The following FGF14 variants were observed in gnomAD, a reference collection of about 807,000 sequenced individuals.
FGF14 encodes the protein fibroblast growth factor homologous factor 4.
In FGF14, 5 loss-of-function variants were observed where a neutral mutation model predicts 25.5. The observed-to-expected ratio is 0.20, with a 90% CI of 0.10 to 0.41. The LOEUF is 0.41. Ranked by LOEUF, FGF14 falls within the 10% of genes least tolerant of loss-of-function variation. FGF14 has a pLI of 1.00. For synonymous variants in FGF14, 138 were observed against 118.3 expected (o/e 1.17, Z -1.08); for missense variants, 222 against 320.1 (o/e 0.69, Z 2.34).
rs527930763 is a variant in FGF14 at position 102,142,743 on chromosome 13, T to C, written c.208+258728A>G. On this transcript the variant is annotated intron_variant, in intron 1 of 4. Coordinates refer to the FGF14 transcript ENST00000376131. Reference sequence around the variant, plus strand: ...ACCTTTCACACCTTGATGTTTCCCATCACTAATTCACAGTAGCATCAAGAA... The same window carrying C: ...ACCTTTCACACCTTGATGTTTCCCACCACTAATTCACAGTAGCATCAAGAA... Among the ~76,000 whole-genome samples the C allele has an allele frequency of 2.6e-5, 4 of 152,290 alleles. No individual in the cohort carries two copies. In the South Asian group the frequency reaches 8.3e-4, roughly 32 times the overall value.
chr13:102,306,056 G>A (rs998350817), intron 1 of FGF14, among the ~76,000 whole-genome samples: 7 of 152,210 alleles, frequency 4.6e-5, no homozygotes, highest in East Asian at 1.9e-4. Context: ...TCATTTTGTC[G>A]GAGAGGTACC....
intron 1 of FGF14, among the ~76,000 whole-genome samples, chr13:102,088,163 G>A (rs577280959): frequency 6.6e-6 from 1 of 152,232 alleles, no homozygotes; most frequent in African/African-American, 2.4e-5. Flanking sequence ...TCCTGTTCGG[G>A]TTCGTTTCTC....
Position 101,936,088 on chromosome 13 carries a change from A to G in FGF14, c.209-60792T>C, listed in dbSNP as rs185732506. Reference sequence around the variant, plus strand: ...ATGCCAGGCACAGCAGCAAGCTTTAACATACCTTATCTTATTTAATCCTTG... The same window carrying G: ...ATGCCAGGCACAGCAGCAAGCTTTAGCATACCTTATCTTATTTAATCCTTG... On this transcript the variant is annotated intron_variant, in intron 1 of 4. Coordinates refer to the FGF14 transcript ENST00000376131. Among the ~76,000 whole-genome samples, 11 of 152,324 alleles carry G rather than the reference A, an allele frequency of 7.2e-5. No individual in the cohort carries two copies. The East Asian group carries it at 2.1e-3, about 29-fold the overall frequency.
intron 1 of FGF14, among the ~76,000 whole-genome samples, chr13:102,044,121 T>C (rs1317829723): frequency 6.6e-6 from 1 of 152,162 alleles, no homozygotes; most frequent in Non-Finnish European, 1.5e-5. Flanking sequence ...CTGGAACATG[T>C]GCTTTCCTCC....
intron 1 of FGF14, among the ~76,000 whole-genome samples, chr13:102,281,599 G>A (rs1246579663): frequency 1.3e-5 from 2 of 151,648 alleles, no homozygotes; most frequent in Non-Finnish European, 2.9e-5. Context: ...TGCTCCTGAA[G>A]TGTAGTCTTG....
At chr13:102,328,851 G>T (rs1299554149) in intron 1 of FGF14, among the ~76,000 whole-genome samples, 1 of 152,186 alleles carries the variant, frequency 6.6e-6, no homozygotes, top group African/African-American at 2.4e-5. Flanking sequence ...TGAAACTGAT[G>T]CCATTATTTG....
At chr13:102,341,023 G>A (rs537347482) in intron 1 of FGF14, among the ~76,000 whole-genome samples, 38 of 152,244 alleles carry the variant, frequency 2.5e-4, no homozygotes, top group Admixed American at 1.2e-3. Context: ...TAGAAATGGA[G>A]TAAGGTAGAA....
intron 1 of FGF14, chr13:102,292,286 A>C (rs2054454703): frequency 1.2e-5 from 1 of 84,560 alleles, no homozygotes; most frequent in African/African-American, 3.4e-5. Flanking sequence ...AGCAAAAAAA[A>C]AAAAAAAAAA....
intron 3 of FGF14, among the ~76,000 whole-genome samples, chr13:101,856,462 C>T (rs531902523): frequency 3.3e-5 from 5 of 151,924 alleles, no homozygotes; most frequent in East Asian, 3.9e-4. Flanking sequence ...TATATTACCT[C>T]TGTTGATAAC....
At chr13:101,857,977 A>G (rs1204527566) in intron 3 of FGF14, among the ~76,000 whole-genome samples, 3 of 152,082 alleles carry the variant, frequency 2.0e-5, no homozygotes, top group Admixed American at 2.0e-4. Context: ...TGGCTTTTCA[A>G]TAAGAATTGT....
chr13:102,311,210 A>G (rs2055749325), intron 1 of FGF14, among the ~76,000 whole-genome samples: 1 of 152,150 alleles, frequency 6.6e-6, no homozygotes, highest in South Asian at 2.1e-4. Context: ...TGCATTCCTT[A>G]GGGAGAACAA....
intron 1 of FGF14, among the ~76,000 whole-genome samples, chr13:102,256,820 G>A (rs371877707): frequency 2.0e-5 from 3 of 152,274 alleles, no homozygotes; most frequent in East Asian, 3.9e-4. Context: ...ATGTAGAACA[G>A]TTTGACTTTA....
At chr13:102,257,065 A>C (rs1034858294) in intron 1 of FGF14, among the ~76,000 whole-genome samples, 1 of 152,184 alleles carries the variant, frequency 6.6e-6, no homozygotes, top group African/African-American at 2.4e-5. Flanking sequence ...TTGCATAATA[A>C]TTGGCATAAT....
chr13:102,040,610 A>G (rs1026529712), intron 1 of FGF14, among the ~76,000 whole-genome samples: 3 of 152,198 alleles, frequency 2.0e-5, no homozygotes, highest in African/African-American at 7.2e-5. Flanking sequence ...TATATTGGAC[A>G]TGGCAAATTG....
intron 1 of FGF14, among the ~76,000 whole-genome samples, chr13:102,274,490 GCTGT>G (rs1296960442): frequency 6.6e-6 from 1 of 152,142 alleles, no homozygotes; most frequent in Non-Finnish European, 1.5e-5. Flanking sequence ...AAGCAAGGAT[GCTGT>G]CTCTTTGGAT....
chr13:102,176,276 A>G (rs2048446584), intron 1 of FGF14, among the ~76,000 whole-genome samples: 1 of 152,156 alleles, frequency 6.6e-6, no homozygotes, highest in African/African-American at 2.4e-5. Context: ...AGCAACATGG[A>G]TGGAACTGGA....
At chr13:102,326,640 A>G (rs923612925) in intron 1 of FGF14, among the ~76,000 whole-genome samples, 155 of 125,864 alleles carry the variant, frequency 1.2e-3, no homozygotes, top group Non-Finnish European at 1.9e-3. Flanking sequence ...AAAGGGAGGG[A>G]AAGGGAGGAG....
chr13:101,905,616 GA>G (rs2032146490), intron 1 of FGF14, among the ~76,000 whole-genome samples: 1 of 152,030 alleles, frequency 6.6e-6, no homozygotes, highest in African/African-American at 2.4e-5. Context: ...ACAGGTTGAT[GA>G]GTGCAGCAAA....
At chr13:102,147,461 C>G (rs545492217) in intron 1 of FGF14, among the ~76,000 whole-genome samples, 1 of 152,316 alleles carries the variant, frequency 6.6e-6, no homozygotes, top group Non-Finnish European at 1.5e-5. Context: ...ATGAATAAAG[C>G]ATGCCTACTT....
Sources: allele counts gnomAD v4.1 joint callset (sites outside exome capture counted in the v4.1 genomes callset), GRCh38; gene constraint gnomAD v4.1.1; transcripts MANE v1.5; gene names NCBI Gene and HGNC (gene_info 2026-07-23, HGNC 2026-07-21).